RIMBP2: variants seen among roughly 807,000 people sequenced by gnomAD.
RIMBP2 encodes RIMS-binding protein 2.
Under a neutral mutation model 118.6 loss-of-function variants are expected in RIMBP2, and 48 were observed. The ratio of observed to expected loss-of-function variants is 0.40; its 90% confidence interval spans 0.32 to 0.51. The LOEUF is 0.51. Ranked by LOEUF, RIMBP2 falls within the 20% of genes least tolerant of loss-of-function variation. The pLI is 0.41. For missense variants in RIMBP2, 1,551 were observed against 1,768.3 expected (o/e 0.88, Z 2.20); for synonymous variants, 762 against 742.9 (o/e 1.03, Z -0.42).
chr12:130,682,517 C>A (rs2064841934), intron 1 of RIMBP2, among the ~76,000 whole-genome samples: 1 of 152,262 alleles, frequency 6.6e-6, no homozygotes, highest in Admixed American at 6.5e-5. Flanking sequence ...AAATTCAAAT[C>A]ATGCACGGCG....
In RIMBP2 at chr12:130,407,769, T is replaced by C; in HGVS notation, c.3650A>G (p.Tyr1217Cys). ...SVSTRRMVAL[Y>C]DYDPRESSPN... is the part of the protein sequence containing the mutation. Reference sequence around the variant, plus strand: ...CGAGCTTTCTCTGGGGTCGTAGTCATACAGGGCCACCATTCTCCGCGTCGA... The same window carrying C: ...CGAGCTTTCTCTGGGGTCGTAGTCACACAGGGCCACCATTCTCCGCGTCGA... The change falls in exon 20 of 23, where the codon TAT (tyrosine) becomes TGT (cysteine). Residue 1217 changes from tyrosine to cysteine, a missense_variant. By Grantham distance (194) the Tyr-to-Cys change is radical (BLOSUM62 -2). This residue lies in a region of RIMBP2 where 1,038 missense variants were observed against 1,125.1 expected (regional missense o/e 0.92). Transcript: ENST00000690449. The C allele has an allele frequency of 6.2e-7, 1 of 1,614,138 alleles. No individual in the cohort carries two copies. Among genetic ancestry groups the C allele is most frequent in the Non-Finnish European group, 8.5e-7 (1 of 1,179,994 alleles).
At chr12:130,713,379 G>A (rs1950103764) in intron 1 of RIMBP2, among the ~76,000 whole-genome samples, 1 of 151,812 alleles carries the variant, frequency 6.6e-6, no homozygotes, top group Admixed American at 6.6e-5. Flanking sequence ...TTGCACACAA[G>A]GGTGGTGGCA....
At chr12:130,601,167 T>A (rs989670755) in intron 2 of RIMBP2, among the ~76,000 whole-genome samples, 6 of 151,944 alleles carry the variant, frequency 3.9e-5, no homozygotes, top group African/African-American at 1.4e-4. Context: ...TCATTCTCTG[T>A]GTGATTTAAC....
intron 2 of RIMBP2, among the ~76,000 whole-genome samples, chr12:130,588,177 C>T (rs2059036729): frequency 6.6e-6 from 1 of 152,160 alleles, no homozygotes; most frequent in Admixed American, 6.5e-5. Context: ...CTGCCTCCTC[C>T]AGGAAGCCCT....
intron 2 of RIMBP2, among the ~76,000 whole-genome samples, chr12:130,554,108 A>G (rs2056107351): frequency 6.6e-6 from 1 of 152,246 alleles, no homozygotes; most frequent in Non-Finnish European, 1.5e-5. Flanking sequence ...AACTATAGAC[A>G]AAAAAGAGAG....
intron 1 of RIMBP2, among the ~76,000 whole-genome samples, chr12:130,707,242 A>G (rs1363414384): frequency 6.6e-6 from 1 of 152,194 alleles, no homozygotes; most frequent in Non-Finnish European, 1.5e-5. Flanking sequence ...CCAGCTGCAG[A>G]TGCTGGCATA....
intron 2 of RIMBP2, among the ~76,000 whole-genome samples, chr12:130,566,733 T>C (rs1166648587): frequency 6.6e-6 from 1 of 152,234 alleles, no homozygotes; most frequent in African/African-American, 2.4e-5. Context: ...CCAGGCTGCT[T>C]CTAGGATCCT....
At position 130,661,471 on chromosome 12, in the gene RIMBP2, C is replaced by G. The variant is rs1259146906; in HGVS notation, c.-351-33015G>C. ...TGAGAAGTGCAGAGAGACCAAGAAT[C>G]TACACACAGTATTTGAGCTCCTAAA... On this transcript the variant is annotated intron_variant, in intron 1 of 22. Coordinates refer to ENST00000690449, the MANE Select transcript of RIMBP2 (RefSeq NM_001393629.1). Among the ~76,000 whole-genome samples, 3 of 152,350 alleles carry G rather than the reference C, an allele frequency of 2.0e-5. No homozygotes were observed. The East Asian group carries it at 5.8e-4, about 29-fold the overall frequency.
chr12:130,520,672 CAAAAAAAAAAAA>C (rs1162018669), intron 2 of RIMBP2, among the ~76,000 whole-genome samples: 1 of 68,836 alleles, frequency 1.5e-5, no homozygotes, highest in Non-Finnish European at 2.8e-5. Flanking sequence ...AACTCCATCT[CAAAAAAAAAAAA>C]AAAAAAAAAA....
intron 17 of RIMBP2, among the ~76,000 whole-genome samples, chr12:130,415,535 A>AG (rs2076045118): frequency 6.6e-6 from 1 of 152,216 alleles, no homozygotes; most frequent in African/African-American, 2.4e-5. Flanking sequence ...TCAACACTGG[A>AG]GTGCTATAGC....
chr12:130,551,522 T>C (rs1028780515), intron 2 of RIMBP2, among the ~76,000 whole-genome samples: 5 of 151,152 alleles, frequency 3.3e-5, no homozygotes, highest in Admixed American at 6.7e-5. Flanking sequence ...CAAATCATGA[T>C]AATTTTCTTC....
chr12:130,650,328 G>A (rs2063179259), intron 1 of RIMBP2, among the ~76,000 whole-genome samples: 2 of 152,200 alleles, frequency 1.3e-5, no homozygotes, highest in African/African-American at 4.8e-5. Context: ...CTTCCGAAAC[G>A]TGCTGCCAGC....
chr12:130,523,016 G>A lies in RIMBP2; in HGVS notation c.-216-5099C>T, dbSNP rs907381129. Among the ~76,000 whole-genome samples the A allele has an allele frequency of 6.6e-6, 1 of 151,926 alleles. No homozygotes were observed. The highest frequency in any genetic ancestry group is 2.4e-5 in the African/African-American group (1 of 41,414). On this transcript the variant is annotated intron_variant, in intron 2 of 22. Coordinates refer to ENST00000690449, the MANE Select transcript of RIMBP2 (RefSeq NM_001393629.1). This position sits in a 1 kb window ranked among gnomAD's most constrained non-coding sequence, Gnocchi z 4.4. Reference sequence around the variant, plus strand: ...TTTTAGTTTTTCTTTCTGCCTCTATGTCTATCTCTCTGTTCATTTTTCTGG... The same window carrying A: ...TTTTAGTTTTTCTTTCTGCCTCTATATCTATCTCTCTGTTCATTTTTCTGG...
At chr12:130,634,467 TCA>T (rs1260697249) in intron 1 of RIMBP2, among the ~76,000 whole-genome samples, 2 of 152,116 alleles carry the variant, frequency 1.3e-5, no homozygotes, top group Non-Finnish European at 2.9e-5. Flanking sequence ...AGGTTAACAA[TCA>T]CACCCGAAGT....
intron 2 of RIMBP2, among the ~76,000 whole-genome samples, chr12:130,526,365 G>A (rs1001292826): frequency 1.3e-5 from 2 of 152,138 alleles, no homozygotes; most frequent in Non-Finnish European, 2.9e-5. Context: ...TGGTGCTTTT[G>A]TGCTCGATGA....
chr12:130,669,952 G>A (rs542336027), intron 1 of RIMBP2, among the ~76,000 whole-genome samples: 5 of 152,230 alleles, frequency 3.3e-5, no homozygotes, highest in African/African-American at 4.8e-5. Flanking sequence ...TAAGAATGTC[G>A]CCTTATTTGG....
intron 8 of RIMBP2, 137 bp downstream of exon 8, chr12:130,451,058 A>C: frequency 2.9e-6 from 3 of 1,022,760 alleles, no homozygotes; most frequent in Non-Finnish European, 2.9e-6. Flanking sequence ...GGGAATTAAC[A>C]GGGGCAAAGG....
At chr12:130,687,135 T>G (rs545319815) in intron 1 of RIMBP2, among the ~76,000 whole-genome samples, 1 of 152,198 alleles carries the variant, frequency 6.6e-6, no homozygotes, top group Non-Finnish European at 1.5e-5. Flanking sequence ...TGCTAAAACC[T>G]CGTCTAGTTC....
chr12:130,700,656 C>T (rs547643001), intron 1 of RIMBP2, among the ~76,000 whole-genome samples: 2 of 152,350 alleles, frequency 1.3e-5, no homozygotes, highest in East Asian at 3.9e-4. Flanking sequence ...AGATCCCACC[C>T]TGGAGCACAG....
Sources: gnomAD v4.1 joint callset for allele counts (sites outside exome capture counted in the v4.1 genomes callset) on GRCh38, gnomAD v4.1.1 for gene constraint, gnomAD v4.1.1 regional missense constraint, Gnocchi (gnomAD v3.1) non-coding constraint, MANE v1.5 for transcripts, NCBI Gene and HGNC (gene_info 2026-07-23, HGNC 2026-07-21) for gene names.